The following AHCYL2 variants were observed in gnomAD, a reference collection of about 807,000 sequenced individuals.
The protein encoded by AHCYL2 is S-adenosylhomocysteine hydrolase-like protein 2.
Under a neutral mutation model 81.4 loss-of-function variants are expected in AHCYL2, and 28 were observed. The ratio of observed to expected loss-of-function variants is 0.34; its 90% CI spans 0.25 to 0.47. AHCYL2 has a LOEUF of 0.47. Among genes scored for constraint, AHCYL2 ranks in the 20% least tolerant of loss-of-function variants. The pLI is 1.00. For synonymous variants in AHCYL2, 272 were observed against 290.2 expected, an observed-to-expected ratio of 0.94 and a Z score of 0.64; for missense variants, 551 against 785.1, an observed-to-expected ratio of 0.70 and a Z score of 3.56.
At chr7:129,397,131 G>A in intron 4 of AHCYL2, 91 bp from the exon 5 acceptor site, 1 of 1,100,020 alleles carries the variant, frequency 9.1e-7, no homozygotes, top group Non-Finnish European at 1.3e-6. Context: ...CATTCCCGTT[G>A]TATTTTCTGA....
intron 6 of AHCYL2, among the ~76,000 whole-genome samples, chr7:129,401,543 T>A (rs957744794): frequency 6.6e-6 from 1 of 152,164 alleles, no homozygotes; most frequent in African/African-American, 2.4e-5. Context: ...TCTTTCTGAA[T>A]TCTGTGATCC....
At chr7:129,259,232 C>G (rs756314447) in intron 1 of AHCYL2, among the ~76,000 whole-genome samples, 2 of 152,288 alleles carry the variant, frequency 1.3e-5, no homozygotes, top group South Asian at 2.1e-4. Flanking sequence ...CTAGTATACT[C>G]TGATGGCCAA....
chr7:129,345,523 T>C (rs951594871), intron 1 of AHCYL2, among the ~76,000 whole-genome samples: 6 of 152,148 alleles, frequency 3.9e-5, no homozygotes. Context: ...TTAATTAGTA[T>C]ATGTCATCAG....
intron 1 of AHCYL2, among the ~76,000 whole-genome samples, chr7:129,326,191 G>A (rs1024893056): frequency 1.3e-4 from 19 of 151,856 alleles, no homozygotes; most frequent in African/African-American, 3.9e-4. Context: ...TTTAATATGT[G>A]TTGCAAAATG....
intron 15 of AHCYL2, among the ~76,000 whole-genome samples, 196 bp downstream of exon 15, chr7:129,425,337 G>A (rs986133161): frequency 7.9e-5 from 12 of 151,922 alleles, no homozygotes; most frequent in African/African-American, 2.9e-4. Context: ...TAGCGAAGTT[G>A]TGATATTATG....
chr7:129,343,176 A>T (rs1369887288), intron 1 of AHCYL2, among the ~76,000 whole-genome samples: 1 of 152,194 alleles, frequency 6.6e-6, no homozygotes, highest in Non-Finnish European at 1.5e-5. Context: ...AGGCATGGAA[A>T]TATTAGTCAC....
intron 1 of AHCYL2, among the ~76,000 whole-genome samples, chr7:129,238,064 A>T (rs1311722985): frequency 6.6e-6 from 1 of 152,140 alleles, no homozygotes; most frequent in East Asian, 1.9e-4. Flanking sequence ...AGTATGTGTG[A>T]TGAGGCTCTA....
chr7:129,335,925 A>G (rs897667130), intron 1 of AHCYL2, among the ~76,000 whole-genome samples: 1 of 152,210 alleles, frequency 6.6e-6, no homozygotes, highest in Non-Finnish European at 1.5e-5. Flanking sequence ...CGTGAGAAGA[A>G]TGTCAGAGAA....
At chr7:129,343,256 G>A (rs189942794) in intron 1 of AHCYL2, among the ~76,000 whole-genome samples, 86 of 152,190 alleles carry the variant, frequency 5.7e-4, no homozygotes, top group Non-Finnish European at 1.1e-3. Flanking sequence ...TGGCATATCC[G>A]TACAGTTTCC....
chr7:129,408,512 A>G (rs1358251013), intron 10 of AHCYL2, among the ~76,000 whole-genome samples: 1 of 152,198 alleles, frequency 6.6e-6, no homozygotes, highest in Non-Finnish European at 1.5e-5. Flanking sequence ...AGAAGAAGAA[A>G]TAGATGAGAT....
At chr7:129,299,365 A>G (rs1345586155) in intron 1 of AHCYL2, among the ~76,000 whole-genome samples, 1 of 104,840 alleles carries the variant, frequency 9.5e-6, no homozygotes, top group Non-Finnish European at 1.9e-5. Flanking sequence ...GGAGAGTCCA[A>G]CTTGTTTTTT....
chr7:129,280,466 G>T (rs1413581795), intron 1 of AHCYL2, among the ~76,000 whole-genome samples: 6 of 152,078 alleles, frequency 3.9e-5, no homozygotes, highest in Admixed American at 6.6e-5. Flanking sequence ...ACTATGCTCG[G>T]CCCTAAATTT....
intron 1 of AHCYL2, among the ~76,000 whole-genome samples, chr7:129,252,037 C>T (rs1326210543): frequency 6.6e-6 from 1 of 152,146 alleles, no homozygotes; most frequent in African/African-American, 2.4e-5. Context: ...AATGCTGGCA[C>T]ATGATAAGTT....
In AHCYL2 at chr7:129,405,217, A is replaced by G. The variant is rs201093720; in HGVS notation, c.1142+4A>G. 182 of 1,585,776 alleles carry G rather than the reference A, an allele frequency of 1.1e-4. 1 individual carries two copies. In the Admixed American group the frequency reaches 3.2e-3, roughly 28 times the overall value. Reference sequence around the variant, plus strand: ...GCCGTGAATCAATTCTTGATGGGTAATGTTTATTATCTTTGAGATGAAGTT... The same window carrying G: ...GCCGTGAATCAATTCTTGATGGGTAGTGTTTATTATCTTTGAGATGAAGTT... On this transcript the variant is annotated splice_donor_region_variant and intron_variant, in intron 8 of 16. Coordinates refer to ENST00000325006, the MANE Select transcript of AHCYL2 (RefSeq NM_015328.4).
At chr7:129,290,329 T>C (rs1055182231) in intron 1 of AHCYL2, among the ~76,000 whole-genome samples, 2 of 150,928 alleles carry the variant, frequency 1.3e-5, no homozygotes, top group Admixed American at 6.6e-5. Context: ...GGTGAAACCC[T>C]GTCTCTACTA....
At chr7:129,288,635 C>T (rs543058181) in intron 1 of AHCYL2, among the ~76,000 whole-genome samples, 2 of 152,310 alleles carry the variant, frequency 1.3e-5, no homozygotes, top group South Asian at 2.1e-4. Context: ...GCTGGGATTA[C>T]AGGCGTGAGC....
chr7:129,311,105 CAAAA>C (rs56828305), intron 1 of AHCYL2, among the ~76,000 whole-genome samples: 1 of 109,248 alleles, frequency 9.2e-6, no homozygotes, highest in Non-Finnish European at 1.9e-5. Context: ...AACCCTGTCT[CAAAA>C]AAAAAAAAAA....
intron 1 of AHCYL2, among the ~76,000 whole-genome samples, chr7:129,243,094 C>T (rs911211253): frequency 2.8e-5 from 4 of 145,144 alleles, no homozygotes; most frequent in Admixed American, 7.1e-5. Context: ...GATCTTGGCT[C>T]ACTGCAACCT....
At chr7:129,256,542 A>ACCCCCCCC (rs1228915009) in intron 1 of AHCYL2, among the ~76,000 whole-genome samples, 1 of 58,458 alleles carries the variant, frequency 1.7e-5, no homozygotes, top group Admixed American at 1.9e-4. Flanking sequence ...CCCGCCCCCC[A>ACCCCCCCC]CCCCCCACCC....
Sources: allele counts gnomAD v4.1 joint callset (sites outside exome capture counted in the v4.1 genomes callset), GRCh38; gene constraint gnomAD v4.1.1; transcripts MANE v1.5; gene names NCBI Gene and HGNC (gene_info 2026-07-23, HGNC 2026-07-21).